Variants in RALB observed in about 807,000 individuals in gnomAD.
RALB encodes the protein RAS like proto-oncogene B, also known as ras-related protein Ral-B.
RALB carries 16 observed loss-of-function variants against 21.3 expected under a neutral mutation model. That is an observed-to-expected ratio of 0.75 (90% CI 0.51 to 1.14). The LOEUF is 1.14. Among genes scored for constraint, RALB ranks in the 50% most tolerant of loss-of-function variants. The pLI is 0.00. For missense variants in RALB, 161 were observed against 256.2 expected, an observed-to-expected ratio of 0.63 and a Z score of 2.54; for synonymous variants, 93 against 96.1, an observed-to-expected ratio of 0.97 and a Z score of 0.19.
intron 2 of RALB, among the ~76,000 whole-genome samples, chr2:120,279,804 G>A (rs904512866): frequency 9.9e-5 from 15 of 152,184 alleles, no homozygotes; most frequent in East Asian, 1.9e-4. Context: ...TCACAACCAC[G>A]TCAGTTAAGA....
In RALB at chr2:120,252,875, G is replaced by A. The variant is rs1453444009; in HGVS notation, c.-153G>A. On this transcript the variant is annotated 5_prime_UTR_variant, in exon 1 of 5. It removes an upstream start codon present in the reference 5' UTR. Coordinates refer to ENST00000272519, the MANE Select transcript of RALB (RefSeq NM_002881.3). ...GGGAAAGCGAGCCCGGCAGCTCAAT[G>A]ACAAATCGGTGGAGGACGGCTGGGG... is the stretch of plus-strand genomic sequence containing the variant. 5 of 985,576 alleles carry A rather than the reference G, an allele frequency of 5.1e-6. No individual in the cohort carries two copies. In the South Asian group the frequency reaches 1.4e-4, roughly 28 times the overall value. 61.1% of individuals were successfully genotyped at this position (985,576 alleles called of 1,614,324 possible).
At chr2:120,284,160 A>G (rs138384278) in intron 2 of RALB, among the ~76,000 whole-genome samples, 1 of 152,188 alleles carries the variant, frequency 6.6e-6, no homozygotes, top group African/African-American at 2.4e-5. Flanking sequence ...AAGTTTTCAC[A>G]TCTCTATTTG....
chr2:120,287,676 C>A (rs1193683057), intron 3 of RALB, among the ~76,000 whole-genome samples: 2 of 152,212 alleles, frequency 1.3e-5, no homozygotes, highest in African/African-American at 4.8e-5. Flanking sequence ...CCTCAGTCAC[C>A]ACACATGCAC....
At chr2:120,278,265 CAG>C (rs779245726) in intron 1 of RALB, among the ~76,000 whole-genome samples, 6 of 152,146 alleles carry the variant, frequency 3.9e-5, no homozygotes, top group African/African-American at 1.4e-4. Context: ...GAGAACCGAG[CAG>C]AGAGGTAGGA....
intron 1 of RALB, among the ~76,000 whole-genome samples, chr2:120,244,707 C>A (rs2104566122): frequency 6.6e-6 from 1 of 152,344 alleles, no homozygotes; most frequent in African/African-American, 2.4e-5. Flanking sequence ...GATGCTGTGG[C>A]AGCCACTTTG....
At chr2:120,270,299 C>T (rs868014602) in intron 1 of RALB, among the ~76,000 whole-genome samples, 4 of 152,000 alleles carry the variant, frequency 2.6e-5, no homozygotes, top group African/African-American at 7.3e-5. Context: ...CTGTTGGGAA[C>T]GCTTGTTTGA....
chr2:120,254,530 C>G (rs1257038453), intron 1 of RALB, among the ~76,000 whole-genome samples: 2 of 152,124 alleles, frequency 1.3e-5, no homozygotes, highest in African/African-American at 4.8e-5. Flanking sequence ...GGACCTAGAC[C>G]ATAAGGATAA....
At chr2:120,274,778 C>T (rs1419947506) in intron 1 of RALB, among the ~76,000 whole-genome samples, 2 of 152,070 alleles carry the variant, frequency 1.3e-5, no homozygotes, top group African/African-American at 2.4e-5. Flanking sequence ...TCAACTCCAT[C>T]AGGTCTTTCA....
In RALB at chr2:120,240,295, T is replaced by A. The variant is rs899714758; in HGVS notation, c.19+170T>A. Among the ~76,000 whole-genome samples the A allele has an allele frequency of 2.1e-4, 32 of 149,922 alleles. 1 individual carries two copies. Among genetic ancestry groups the A allele is most frequent in the Admixed American group, 3.9e-4 (6 of 15,210 alleles). On this transcript the variant is annotated intron_variant, in intron 1 of 3. Transcript: ENST00000447591. ...GCTACTTTTTTATTTTTATTTTTAT[T>A]TTTTTTTGAGACAGGGTCTCCCTCT...
chr2:120,262,743 G>A (rs1689398380), intron 1 of RALB, among the ~76,000 whole-genome samples: 1 of 152,186 alleles, frequency 6.6e-6, no homozygotes, highest in African/African-American at 2.4e-5. Flanking sequence ...TTGCTGGGGA[G>A]ATTTAGGACA....
chr2:120,280,080 C>T (rs60069212), intron 2 of RALB, among the ~76,000 whole-genome samples: 35,974 of 151,880 alleles, frequency 0.24, 6,611 homozygotes, highest in African/African-American at 0.52. Context: ...GATCCTGATG[C>T]GAACCTGTCC....
intron 1 of RALB, among the ~76,000 whole-genome samples, chr2:120,266,809 A>G (rs929157414): frequency 6.6e-6 from 1 of 152,210 alleles, no homozygotes; most frequent in African/African-American, 2.4e-5. Context: ...TGTTTTATCT[A>G]CCAAATATTG....
intron 1 of RALB, among the ~76,000 whole-genome samples, chr2:120,241,066 C>T (rs557200172): frequency 3.3e-5 from 5 of 152,306 alleles, no homozygotes; most frequent in South Asian, 4.1e-4. Flanking sequence ...TGGGAGCTGA[C>T]GGACGGGTTA....
Position 120,241,735 on chromosome 2 carries a change from CA to C in RALB, c.19+1617del, listed in dbSNP as rs975540416. Among the ~76,000 whole-genome samples, 6 of 149,960 alleles carry C rather than the reference CA, an allele frequency of 4.0e-5. No homozygotes were observed. In the East Asian group the frequency reaches 1.2e-3, roughly 29 times the overall value. On this transcript the variant is annotated intron_variant, in intron 1 of 3. Coordinates refer to the RALB transcript ENST00000447591. Reference sequence around the variant, plus strand: ...GAGCGAAACTCCATCTCAAAAAAAACAAAAAAACAAAACAAAACAAAAAAAC... The same window carrying C: ...GAGCGAAACTCCATCTCAAAAAAAACAAAAAACAAAACAAAACAAAAAAAC...
intron 1 of RALB, among the ~76,000 whole-genome samples, chr2:120,269,688 C>A (rs984616855): frequency 5.5e-4 from 84 of 152,302 alleles, no homozygotes; most frequent in African/African-American, 1.9e-3. Flanking sequence ...AGTCTCCACT[C>A]GACCCAGGAA....
chr2:120,253,781 G>A, intron 1 of RALB: 1 of 923,582 alleles, frequency 1.1e-6, no homozygotes, highest in African/African-American at 1.8e-5. Flanking sequence ...GAATGAATTG[G>A]CCGTGGAAGA....
intron 1 of RALB, among the ~76,000 whole-genome samples, chr2:120,278,098 T>G (rs1410786624): frequency 2.7e-5 from 4 of 150,810 alleles, no homozygotes; most frequent in African/African-American, 9.8e-5. Flanking sequence ...TGGGCATGTG[T>G]GAGTGTGTTA....
rs1690365891 is a variant in RALB at position 120,293,934 on chromosome 2, C to T, written c.*674C>T. ...ATTATAATCTGTGTTGGTTATTTTT[C>T]TCCTGTAAGCATCCTGATTTTTCTG... On this transcript the variant is annotated 3_prime_UTR_variant, in exon 5 of 5. Transcript: ENST00000272519. 5.1e-6 allele frequency: 2 copies of T among 390,532 alleles called. No homozygotes were observed. Among genetic ancestry groups the T allele is most frequent in the Non-Finnish European group, 9.0e-6 (2 of 221,660 alleles). The allele number at this position is 390,532 out of a possible 1,614,324, so 24.2% of individuals were successfully genotyped here.
intron 2 of RALB, among the ~76,000 whole-genome samples, chr2:120,285,101 A>G (rs964061083): frequency 6.6e-6 from 1 of 152,146 alleles, no homozygotes; most frequent in African/African-American, 2.4e-5. Flanking sequence ...TTTCTTCCAC[A>G]GGGCTGGGGA....
Sources: allele counts gnomAD v4.1 joint callset (sites outside exome capture counted in the v4.1 genomes callset), GRCh38; gene constraint gnomAD v4.1.1; transcripts MANE v1.5; gene names NCBI Gene and HGNC (gene_info 2026-07-23, HGNC 2026-07-21).